VPS13B: variants seen among roughly 807,000 people sequenced by gnomAD.
VPS13B encodes intermembrane lipid transfer protein VPS13B.
VPS13B carries 285 observed loss-of-function variants against 426.4 expected under a neutral mutation model. The observed-to-expected ratio is 0.67, with a 90% CI of 0.61 to 0.74. VPS13B has a LOEUF of 0.74. Among genes scored for constraint, VPS13B ranks in the 30% least tolerant of loss-of-function variants. The pLI is 0.00. For missense variants in VPS13B, 4,537 were observed against 4,782.6 expected (o/e 0.95, Z 1.51); for synonymous variants, 1,676 against 1,676.4 (o/e 1.00, Z 0.01).
intron 33 of VPS13B, among the ~76,000 whole-genome samples, chr8:99,578,497 A>C (rs1825879592): frequency 6.6e-6 from 1 of 152,078 alleles, no homozygotes. Flanking sequence ...TAAAATGATA[A>C]ATCTTTTATC....
intron 21 of VPS13B, among the ~76,000 whole-genome samples, chr8:99,418,689 C>T (rs1816209139): frequency 6.6e-6 from 1 of 152,048 alleles, no homozygotes; most frequent in Admixed American, 6.6e-5. Context: ...GCTGGGATTG[C>T]AGGTGTGTGC....
At chr8:99,806,174 A>G (rs960734625) in intron 43 of VPS13B, among the ~76,000 whole-genome samples, 2 of 152,186 alleles carry the variant, frequency 1.3e-5, no homozygotes, top group Non-Finnish European at 2.9e-5. Flanking sequence ...ATAAAGTGCA[A>G]ATTCCTTAGT....
intron 5 of VPS13B, among the ~76,000 whole-genome samples, chr8:99,108,555 T>A (rs1244558309): frequency 1.3e-5 from 2 of 152,194 alleles, no homozygotes; most frequent in Non-Finnish European, 2.9e-5. Context: ...CAGTGTGTTT[T>A]CTTGGCCCCT....
At chr8:99,115,271 A>G (rs772693171) in intron 6 of VPS13B, among the ~76,000 whole-genome samples, 1 of 152,080 alleles carries the variant, frequency 6.6e-6, no homozygotes, top group Admixed American at 6.6e-5. Flanking sequence ...ACCTGGAAAG[A>G]ATGATTAGAG....
intron 31 of VPS13B, among the ~76,000 whole-genome samples, chr8:99,569,266 A>C (rs1239386795): frequency 6.6e-6 from 1 of 151,890 alleles, no homozygotes; most frequent in Admixed American, 6.6e-5. Context: ...CGTCTCTACA[A>C]AAAATACAAA....
At chr8:99,103,526 T>G (rs1420280344) in intron 5 of VPS13B, among the ~76,000 whole-genome samples, 1 of 130,644 alleles carries the variant, frequency 7.7e-6, no homozygotes, top group Non-Finnish European at 1.6e-5. Context: ...TGAGATGGAG[T>G]CTTGCTCTGT....
intron 19 of VPS13B, chr8:99,345,923 A>G (rs1382912175): frequency 1.3e-5 from 2 of 152,332 alleles, no homozygotes; most frequent in African/African-American, 2.4e-5. Context: ...ATCTTAGAGC[A>G]GAAGGCCATA....
At chr8:99,235,778 C>T (rs577160985) in intron 17 of VPS13B, among the ~76,000 whole-genome samples, 2 of 152,224 alleles carry the variant, frequency 1.3e-5, no homozygotes, top group African/African-American at 4.8e-5. Flanking sequence ...AGTGTTATTT[C>T]GTTTTCCCTC....
intron 24 of VPS13B, among the ~76,000 whole-genome samples, chr8:99,474,183 A>T (rs1026872175): frequency 4.0e-5 from 5 of 124,960 alleles, no homozygotes; most frequent in South Asian, 2.4e-4. Context: ...CTGTTATCCA[A>T]TTTTTTTTTT....
At chr8:99,816,582 G>A (rs1814054797) in intron 44 of VPS13B, among the ~76,000 whole-genome samples, 1 of 152,102 alleles carries the variant, frequency 6.6e-6, no homozygotes, top group Non-Finnish European at 1.5e-5. Context: ...GGGGTGTGAA[G>A]ATTACTTGAG....
intron 17 of VPS13B, among the ~76,000 whole-genome samples, chr8:99,257,661 A>T (rs945645396): frequency 6.6e-6 from 1 of 152,162 alleles, no homozygotes; most frequent in African/African-American, 2.4e-5. Flanking sequence ...TTCTTTAGCC[A>T]TGCTTCAAAT....
In VPS13B at chr8:99,497,452, A is replaced by G. The variant is rs552020332; in HGVS notation, c.3871-4235A>G. Among the ~76,000 whole-genome samples, 3 of 149,550 alleles carry G rather than the reference A, an allele frequency of 2.0e-5. No homozygotes were observed. In the East Asian group the frequency reaches 6.1e-4, roughly 30 times the overall value. On this transcript the variant is annotated intron_variant, in intron 25 of 61. Coordinates refer to ENST00000357162, the MANE Select transcript of VPS13B (RefSeq NM_152564.5). ...TACTCTACCTAAAGTAAGAATTGAT[A>G]TATTAACTACTCAATGTTTGGAAGC... is the stretch of plus-strand genomic sequence containing the variant.
chr8:99,350,583 G>A (rs1312927961), intron 19 of VPS13B, among the ~76,000 whole-genome samples: 1 of 152,256 alleles, frequency 6.6e-6, no homozygotes, highest in Admixed American at 6.5e-5. Context: ...GTCACCAAGT[G>A]AGAAGTATTA....
At chr8:99,857,307 C>A (rs1052680786) in intron 56 of VPS13B, among the ~76,000 whole-genome samples, 5 of 152,182 alleles carry the variant, frequency 3.3e-5, no homozygotes, top group African/African-American at 1.2e-4. Flanking sequence ...ACAGGCCTGT[C>A]GTGGGGGACA....
chr8:99,550,253 T>G (rs938280094), intron 30 of VPS13B, among the ~76,000 whole-genome samples: 2 of 152,156 alleles, frequency 1.3e-5, no homozygotes, highest in Non-Finnish European at 2.9e-5. Context: ...CTAGCAGTTT[T>G]ATTTTATAAC....
intron 3 of VPS13B, among the ~76,000 whole-genome samples, chr8:99,060,525 C>T (rs1480241754): frequency 1.3e-5 from 2 of 151,816 alleles, no homozygotes; most frequent in African/African-American, 4.8e-5. Flanking sequence ...GGGGGAATCA[C>T]TTGAACCTAG....
At position 99,056,223 on chromosome 8, in the gene VPS13B, A is replaced by ATT. The variant is rs1007201667; in HGVS notation, c.291+17664_291+17665dup. 3.3e-5 allele frequency among the ~76,000 whole-genome samples: 5 copies of ATT among 151,238 alleles called. No individual in the cohort carries two copies. In the East Asian group the frequency reaches 9.7e-4, roughly 29 times the overall value. Reference sequence around the variant, plus strand: ...AGGTGTGCGCCACTATGCCCGGCTAATTTTTTTTGTGTGTTTTTGTAGACA... The same window carrying ATT: ...AGGTGTGCGCCACTATGCCCGGCTAATTTTTTTTTTGTGTGTTTTTGTAGACA... On this transcript the variant is annotated intron_variant, in intron 3 of 61. Coordinates refer to ENST00000357162, the MANE Select transcript of VPS13B (RefSeq NM_152564.5).
At chr8:99,460,051 C>G (rs900607479) in intron 23 of VPS13B, among the ~76,000 whole-genome samples, 1 of 152,060 alleles carries the variant, frequency 6.6e-6, no homozygotes, top group African/African-American at 2.4e-5. Context: ...TTAATGCAGT[C>G]TGACAATCTC....
At chr8:99,820,949 G>A (rs1200524553) in intron 49 of VPS13B, among the ~76,000 whole-genome samples, 1 of 151,672 alleles carries the variant, frequency 6.6e-6, no homozygotes, top group Non-Finnish European at 1.5e-5. Context: ...TGTCAAATGA[G>A]ATGAAACCTT....
Sources: gnomAD v4.1 joint callset for allele counts (sites outside exome capture counted in the v4.1 genomes callset) on GRCh38, gnomAD v4.1.1 for gene constraint, MANE v1.5 for transcripts, NCBI Gene and HGNC (gene_info 2026-07-23, HGNC 2026-07-21) for gene names.